The following CPD variants were observed in gnomAD, a reference collection of about 807,000 sequenced individuals.
CPD encodes metallocarboxypeptidase D.
A neutral mutation model predicts 138.3 loss-of-function variants in CPD; 69 were observed. The observed-to-expected ratio is 0.50, with a 90% CI of 0.41 to 0.61. The LOEUF (loss-of-function observed/expected upper bound fraction) is 0.61, where lower values mean the gene tolerates loss of function less well. CPD is among the 20% of genes least tolerant of loss of function. The probability of loss-of-function intolerance (pLI) is 0.00; values close to 1 mark genes in which losing one functional copy is unlikely to be tolerated. For synonymous variants in CPD, 651 were observed against 642.1 expected, an observed-to-expected ratio of 1.01 and a Z score of -0.21; for missense variants, 1,432 against 1,733.3, an observed-to-expected ratio of 0.83 and a Z score of 3.09.
chr17:30,403,760 G>C (rs1028115925), intron 2 of CPD, among the ~76,000 whole-genome samples: 1 of 152,064 alleles, frequency 6.6e-6, no homozygotes, highest in Non-Finnish European at 1.5e-5. Context: ...CTTACTATAA[G>C]ATCCCTCCAT....
chr17:30,431,181 C>T (rs972123565), intron 7 of CPD, among the ~76,000 whole-genome samples: 7 of 152,180 alleles, frequency 4.6e-5, no homozygotes. Flanking sequence ...AGTAGGACCT[C>T]ATTTTGGTTT....
intron 4 of CPD, 148 bp downstream of exon 4, chr17:30,421,981 A>T: frequency 1.5e-6 from 1 of 674,888 alleles, no homozygotes; most frequent in East Asian, 2.8e-5. Flanking sequence ...TATAATAAGA[A>T]AATACTATTG....
At chr17:30,433,253 A>G (rs1912608567) in intron 8 of CPD, among the ~76,000 whole-genome samples, 1 of 152,204 alleles carries the variant, frequency 6.6e-6, no homozygotes, top group Non-Finnish European at 1.5e-5. Flanking sequence ...ACATACGTGG[A>G]GTAATAAGAG....
intron 2 of CPD, among the ~76,000 whole-genome samples, chr17:30,411,278 G>A (rs949415100): frequency 9.9e-5 from 15 of 152,106 alleles, no homozygotes; most frequent in African/African-American, 2.9e-4. Flanking sequence ...TTTCTCTCTG[G>A]CTGCCTTTAA....
At position 30,385,017 on chromosome 17, in the gene CPD, G is replaced by A. The variant is rs1299009388; in HGVS notation, c.775G>A (p.Gly259Ser). 2 of 1,613,794 alleles carry A rather than the reference G, an allele frequency of 1.2e-6. No individual in the cohort carries two copies. Among genetic ancestry groups the A allele is most frequent in the African/African-American group, 1.3e-5 (1 of 74,874 alleles). Residue 259 changes from glycine to serine, a missense_variant, in exon 2 of 21, where the codon GGC (glycine) becomes AGC (serine). Around this residue, in one of 6 missense-constraint regions of CPD, gnomAD observed 484 missense variants for 477.2 expected, o/e 1.01. Coordinates refer to ENST00000225719, the MANE Select transcript of CPD (RefSeq NM_001304.5). The stretch of plus-strand genomic sequence containing the variant: ...TGTGCTTTCTGGAAATCTGCATGGT[G>A]GCTCAGTGGTAGCAAGCTATCCTTT... Reference protein sequence around the residue: ...KFVLSGNLHGGSVVASYPFDD... With the variant: ...KFVLSGNLHGSSVVASYPFDD...
At chr17:30,448,540 T>A (rs1385451161) in intron 12 of CPD, among the ~76,000 whole-genome samples, 2 of 152,226 alleles carry the variant, frequency 1.3e-5, no homozygotes, top group African/African-American at 4.8e-5. Context: ...TAAGTACCAT[T>A]GAATAGCGTC....
rs1912935434 is a variant in CPD, at chr17:30,443,500, T to G, written c.2374-302T>G. ...CCTTCTGTTTTTAAAAAATGCCATT[T>G]CCTTTTGAAAAGGCCAGGTCTGTTT... On this transcript the variant is annotated intron_variant, in intron 10 of 20. Coordinates refer to ENST00000225719, the MANE Select transcript of CPD (RefSeq NM_001304.5). Among the ~76,000 whole-genome samples the G allele has an allele frequency of 3.3e-5, 5 of 152,164 alleles. No individual in the cohort carries two copies. In the South Asian group the frequency reaches 1.0e-3, roughly 32 times the overall value.
chr17:30,380,370 T>C (rs1911007767), intron 1 of CPD: 1 of 719,110 alleles, frequency 1.4e-6, no homozygotes, highest in Non-Finnish European at 1.8e-6. Context: ...AGCTGATTTT[T>C]CTCCAATTTT....
intron 14 of CPD, 69 bp downstream of exon 14, chr17:30,451,915 T>A: frequency 6.9e-7 from 1 of 1,445,838 alleles, no homozygotes; most frequent in Non-Finnish European, 9.4e-7. Flanking sequence ...GATTGATTGA[T>A]CCTATTTTGT....
chr17:30,404,923 C>T (rs1486076915), intron 2 of CPD, among the ~76,000 whole-genome samples: 2 of 152,052 alleles, frequency 1.3e-5, no homozygotes, highest in Non-Finnish European at 2.9e-5. Context: ...TTTCCTCATT[C>T]TGAGAGAGTA....
chr17:30,454,078 C>T (rs1354986697), intron 14 of CPD: 4 of 152,116 alleles, frequency 2.6e-5, no homozygotes, highest in Non-Finnish European at 5.9e-5. Flanking sequence ...GGCCTGGAGA[C>T]ATTTTCCCCA....
chr17:30,423,086 T>C (rs1239151715), intron 5 of CPD, 63 bp downstream of exon 5: 11 of 1,251,750 alleles, frequency 8.8e-6, no homozygotes, highest in Non-Finnish European at 1.2e-5. Context: ...TCAATATTGC[T>C]ATGTTTCATT....
chr17:30,442,510 A>G (rs1912904472), intron 10 of CPD, 60 bp downstream of exon 10: 3 of 1,554,540 alleles, frequency 1.9e-6, no homozygotes, highest in Admixed American at 3.5e-5. Context: ...TTTTGTGCGT[A>G]CACGTGGTTT....
intron 6 of CPD, among the ~76,000 whole-genome samples, chr17:30,425,372 T>C (rs1368694387): frequency 6.6e-6 from 1 of 152,148 alleles, no homozygotes; most frequent in Non-Finnish European, 1.5e-5. Flanking sequence ...ATAGAGTTCC[T>C]GGCCAGGCGT....
At chr17:30,449,363 T>C (rs1168921299) in intron 12 of CPD, among the ~76,000 whole-genome samples, 190 bp from the exon 13 acceptor site, 1 of 152,230 alleles carries the variant, frequency 6.6e-6, no homozygotes, top group East Asian at 1.9e-4. Context: ...GATAATATCA[T>C]CTATTTGATA....
chr17:30,401,363 C>G (rs771082769), intron 2 of CPD, among the ~76,000 whole-genome samples: 1 of 149,636 alleles, frequency 6.7e-6, no homozygotes, highest in African/African-American at 2.5e-5. Context: ...CCTCTTCTTC[C>G]TCCTCTTCCT....
chr17:30,466,344 T>C lies in CPD; in HGVS notation c.*1530T>C, dbSNP rs758530947. Reference sequence around the variant, plus strand: ...CTTCAGGTGGAGGGGTTTACCACCTTCCTAGGTCGTTCAACCAGGTTTTGT... The same window carrying C: ...CTTCAGGTGGAGGGGTTTACCACCTCCCTAGGTCGTTCAACCAGGTTTTGT... On this transcript the variant is annotated 3_prime_UTR_variant, in exon 21 of 21. Transcript: ENST00000225719. 4 of 152,622 alleles carry C rather than the reference T, an allele frequency of 2.6e-5. No individual in the cohort carries two copies. Among genetic ancestry groups the C allele is most frequent in the Non-Finnish European group, 4.4e-5 (3 of 68,026 alleles). The allele number at this position is 152,622 out of a possible 1,614,324, so 9.5% of individuals were successfully genotyped here.
In CPD at chr17:30,406,675, T is replaced by C. The variant is rs1911807008; in HGVS notation, c.995-14166T>C. 3.9e-5 allele frequency among the ~76,000 whole-genome samples: 6 copies of C among 152,324 alleles called. No individual in the cohort carries two copies. The South Asian group carries it at 1.2e-3, about 32-fold the overall frequency. Reference sequence around the variant, plus strand: ...GACTCAAGCCTGGGGATTATAGTGTTACTCTACGTCATTGCCTTCTAGCAT... The same window carrying C: ...GACTCAAGCCTGGGGATTATAGTGTCACTCTACGTCATTGCCTTCTAGCAT... On this transcript the variant is annotated intron_variant, in intron 2 of 20. Transcript: ENST00000225719.
intron 4 of CPD, among the ~76,000 whole-genome samples, chr17:30,422,174 T>A (rs1290890185): frequency 6.6e-6 from 1 of 152,196 alleles, no homozygotes; most frequent in Non-Finnish European, 1.5e-5. Flanking sequence ...TGAAGAACTG[T>A]CTTATCAGCT....
Sources: gnomAD v4.1 joint callset for allele counts (sites outside exome capture counted in the v4.1 genomes callset) on GRCh38, gnomAD v4.1.1 for gene constraint, gnomAD v4.1.1 regional missense constraint, MANE v1.5 for transcripts, NCBI Gene and HGNC (gene_info 2026-07-23, HGNC 2026-07-21) for gene names.